Variants in TECRL observed in about 807,000 individuals in gnomAD.
TECRL encodes the protein trans-2,3-enoyl-CoA reductase like, also known as trans-2,3-enoyl-CoA reductase-like.
TECRL carries 63 observed loss-of-function variants against 52.8 expected under a neutral mutation model. That is an observed-to-expected ratio of 1.19 (90% confidence interval 0.97 to 1.47). The LOEUF is 1.47. Ranked by LOEUF, TECRL falls within the 40% of genes most tolerant of loss-of-function variation. The pLI, the probability that TECRL is intolerant of heterozygous loss-of-function variation, is 0.00. For missense variants in TECRL, 482 were observed against 429.6 expected, an observed-to-expected ratio of 1.12 and a Z score of -1.08; for synonymous variants, 164 against 141.9, an observed-to-expected ratio of 1.16 and a Z score of -1.10.
At chr4:64,337,319 C>T (rs550674602) in intron 2 of TECRL, among the ~76,000 whole-genome samples, 29 of 152,242 alleles carry the variant, frequency 1.9e-4, no homozygotes, top group African/African-American at 6.7e-4. Flanking sequence ...CAGCCAATAT[C>T]ATACTAAATG....
intron 7 of TECRL, among the ~76,000 whole-genome samples, chr4:64,304,580 A>G (rs966018754): frequency 5.9e-5 from 9 of 152,092 alleles, no homozygotes; most frequent in Non-Finnish European, 8.8e-5. Flanking sequence ...TGCTACAGTA[A>G]GAGCTGAAGA....
At chr4:64,309,515 T>C (rs1032245756) in intron 6 of TECRL, among the ~76,000 whole-genome samples, 1 of 152,138 alleles carries the variant, frequency 6.6e-6, no homozygotes, top group African/African-American at 2.4e-5. Context: ...CGTTCTTATA[T>C]CATATTCTGC....
At chr4:64,277,125 TGCCAACAG>T, downstream of TECRL, 1 of 1,023,986 alleles carries the variant, frequency 9.8e-7, no homozygotes. Context: ...AAGGTATGTC[TGCCAACAG>T]TAAGGGAATA....
intron 2 of TECRL, among the ~76,000 whole-genome samples, chr4:64,331,775 T>C (rs1294949684): frequency 2.0e-5 from 3 of 151,740 alleles, no homozygotes; most frequent in Non-Finnish European, 4.4e-5. Flanking sequence ...AACAGAAGAA[T>C]TAGTCAATGA....
intron 2 of TECRL, among the ~76,000 whole-genome samples, chr4:64,370,839 T>C (rs550672781): frequency 2.0e-5 from 3 of 152,028 alleles, no homozygotes; most frequent in South Asian, 2.1e-4. Flanking sequence ...ATGTGCTTAG[T>C]AATATGCTAA....
intron 1 of TECRL, among the ~76,000 whole-genome samples, chr4:64,397,247 G>A (rs1724019097): frequency 6.6e-6 from 1 of 151,894 alleles, no homozygotes; most frequent in Non-Finnish European, 1.5e-5. Context: ...ACTAAAATAA[G>A]TGAGAATGGA....
intron 7 of TECRL, among the ~76,000 whole-genome samples, chr4:64,304,453 A>C (rs1242116221): frequency 6.6e-6 from 1 of 152,066 alleles, no homozygotes; most frequent in Non-Finnish European, 1.5e-5. Context: ...TTTAAAAATA[A>C]AGTTTGAATA....
chr4:64,309,533 G>A (rs1424981360), intron 6 of TECRL, among the ~76,000 whole-genome samples: 1 of 152,066 alleles, frequency 6.6e-6, no homozygotes, highest in Non-Finnish European at 1.5e-5. Flanking sequence ...TGCTCTTCAA[G>A]TGGCACTCAA....
rs115115667 is a variant in TECRL at position 64,284,739 on chromosome 4, T to C, written c.833-3180A>G. Reference sequence around the variant, plus strand: ...GAACACAATGTCTCTAGAAGCTAGATAGTTGGATACCCAACAATGCTATTG... The same window carrying C: ...GAACACAATGTCTCTAGAAGCTAGACAGTTGGATACCCAACAATGCTATTG... On this transcript the variant is annotated intron_variant, in intron 9 of 11. Coordinates refer to ENST00000381210, the MANE Select transcript of TECRL (RefSeq NM_001010874.5). Among the ~76,000 whole-genome samples the C allele has an allele frequency of 6.1e-3, 931 of 152,228 alleles. 5 individuals carry two copies. Among genetic ancestry groups the C allele is most frequent in the Non-Finnish European group, 8.8e-3 (598 of 67,988 alleles).
intron 2 of TECRL, among the ~76,000 whole-genome samples, chr4:64,369,789 T>C (rs369419627): frequency 5.9e-5 from 9 of 152,178 alleles, no homozygotes; most frequent in African/African-American, 2.2e-4. Context: ...AGAAATATTT[T>C]AGGTCCGTGG....
At chr4:64,324,207 T>C (rs75772312) in intron 3 of TECRL, among the ~76,000 whole-genome samples, 15 of 152,194 alleles carry the variant, frequency 9.9e-5, no homozygotes, top group African/African-American at 3.1e-4. Flanking sequence ...TGGGAAGATA[T>C]GTAAAAAAAT....
At chr4:64,395,936 T>C (rs1723915597) in intron 1 of TECRL, among the ~76,000 whole-genome samples, 1 of 152,194 alleles carries the variant, frequency 6.6e-6, no homozygotes, top group African/African-American at 2.4e-5. Context: ...TTTGGTTTTC[T>C]GTTCCTCAGT....
intron 7 of TECRL, among the ~76,000 whole-genome samples, chr4:64,303,343 T>G: frequency 6.6e-6 from 1 of 151,684 alleles, no homozygotes; most frequent in Admixed American, 6.6e-5. Context: ...CCCATATAAC[T>G]AATAGTTTAA....
At chr4:64,358,811 C>T (rs1720968167) in intron 2 of TECRL, among the ~76,000 whole-genome samples, 1 of 151,650 alleles carries the variant, frequency 6.6e-6, no homozygotes, top group Admixed American at 6.6e-5. Flanking sequence ...TACAATATAG[C>T]ACGTCTGAAA....
At chr4:64,293,454 C>A (rs1458420754) in intron 8 of TECRL, among the ~76,000 whole-genome samples, 1 of 151,988 alleles carries the variant, frequency 6.6e-6, no homozygotes, top group Non-Finnish European at 1.5e-5. Flanking sequence ...AAAATACACC[C>A]TGTTAAATCT....
chr4:64,370,369 G>C (rs974997683), intron 2 of TECRL, among the ~76,000 whole-genome samples: 34 of 151,802 alleles, frequency 2.2e-4, no homozygotes, highest in African/African-American at 8.2e-4. Flanking sequence ...AAAGCTAAGA[G>C]AGTTGTTTCT....
rs111393584 is a variant in TECRL at position 64,406,860 on chromosome 4, C to A, written c.234+2258G>T. Among the ~76,000 whole-genome samples, 157 of 151,972 alleles carry A rather than the reference C, an allele frequency of 1.0e-3. 1 individual carries two copies. Among genetic ancestry groups the A allele is most frequent in the African/African-American group, 3.1e-3 (127 of 41,490 alleles). On this transcript the variant is annotated intron_variant, in intron 1 of 11. Coordinates refer to ENST00000381210, the MANE Select transcript of TECRL (RefSeq NM_001010874.5). ...TTATAAGCAACATTTCTTTTGTACACTGGGTAGAGCCAGGTACAATGAAAG... is the reference window on the plus strand; with the variant it reads ...TTATAAGCAACATTTCTTTTGTACAATGGGTAGAGCCAGGTACAATGAAAG...
intron 2 of TECRL, among the ~76,000 whole-genome samples, chr4:64,374,075 ATATATATT>A (rs1445251850): frequency 3.8e-5 from 4 of 106,442 alleles, no homozygotes; most frequent in African/African-American, 1.4e-4. Flanking sequence ...ATATATATAT[ATATATATT>A]TATCTTTTTG....
At chr4:64,369,533 A>G (rs1000838560) in intron 2 of TECRL, among the ~76,000 whole-genome samples, 1 of 152,210 alleles carries the variant, frequency 6.6e-6, no homozygotes, top group Admixed American at 6.6e-5. Flanking sequence ...TACTACGGGG[A>G]CTTCTGCCTG....
Sources: gnomAD v4.1 joint callset for allele counts (sites outside exome capture counted in the v4.1 genomes callset) on GRCh38, gnomAD v4.1.1 for gene constraint, MANE v1.5 for transcripts, NCBI Gene and HGNC (gene_info 2026-07-23, HGNC 2026-07-21) for gene names.